MAP4K5: variants seen among roughly 807,000 people sequenced by gnomAD.
MAP4K5 encodes the protein mitogen-activated protein kinase kinase kinase kinase 5.
A neutral mutation model predicts 135.6 loss-of-function variants in MAP4K5; 82 were observed. That is an observed-to-expected ratio of 0.60 (90% CI 0.51 to 0.73). The LOEUF is 0.73. Ranked by LOEUF, MAP4K5 falls within the 30% of genes least tolerant of loss-of-function variation. The pLI is 0.00. For synonymous variants in MAP4K5, 347 were observed against 335.0 expected (o/e 1.04, Z -0.39); for missense variants, 907 against 1,010.9 (o/e 0.90, Z 1.39).
At chr14:50,511,109 A>G (rs938450183) in intron 2 of MAP4K5, among the ~76,000 whole-genome samples, 1 of 152,206 alleles carries the variant, frequency 6.6e-6, no homozygotes, top group East Asian at 1.9e-4. Context: ...CATACAGTGG[A>G]ATGTTTATTG....
chr14:50,489,215 G>A (rs555362370), intron 3 of MAP4K5, among the ~76,000 whole-genome samples: 5 of 152,262 alleles, frequency 3.3e-5, no homozygotes, highest in African/African-American at 1.2e-4. Flanking sequence ...AGGCATGGTG[G>A]CATGCACCTG....
At chr14:50,493,143 A>G (rs1269966701) in intron 3 of MAP4K5, among the ~76,000 whole-genome samples, 1 of 152,118 alleles carries the variant, frequency 6.6e-6, no homozygotes, top group Non-Finnish European at 1.5e-5. Context: ...GCTGTCACCC[A>G]GGCTGGAATG....
upstream of MAP4K5, among the ~76,000 whole-genome samples, chr14:50,537,301 T>C (rs1488978230): frequency 1.3e-5 from 2 of 152,188 alleles, no homozygotes; most frequent in African/African-American, 4.8e-5. Flanking sequence ...AAGTCAAGAA[T>C]TGAGGTTTGG....
chr14:50,560,833 G>T (rs1182140229), intron 1 of MAP4K5, among the ~76,000 whole-genome samples: 1 of 152,198 alleles, frequency 6.6e-6, no homozygotes, highest in African/African-American at 2.4e-5. Context: ...GCCGGGTCCC[G>T]GACGGACGGT....
intron 15 of MAP4K5, among the ~76,000 whole-genome samples, chr14:50,448,140 G>A (rs1447572339): frequency 6.6e-6 from 1 of 152,098 alleles, no homozygotes; most frequent in African/African-American, 2.4e-5. Context: ...TCAGCCTCCT[G>A]AGGAGCTGGG....
At chr14:50,501,324 T>G (rs994391341) in intron 3 of MAP4K5, among the ~76,000 whole-genome samples, 1 of 152,086 alleles carries the variant, frequency 6.6e-6, no homozygotes, top group African/African-American at 2.4e-5. Flanking sequence ...TTTAAGTATA[T>G]TATTCAAGGT....
At chr14:50,465,863 G>A (rs2036820909) in intron 11 of MAP4K5, among the ~76,000 whole-genome samples, 1 of 152,068 alleles carries the variant, frequency 6.6e-6, no homozygotes, top group African/African-American at 2.4e-5. Flanking sequence ...AGATTACGGG[G>A]TCAAGAGAAT....
At chr14:50,465,437 T>C (rs745984039) in intron 11 of MAP4K5, among the ~76,000 whole-genome samples, 21 of 152,320 alleles carry the variant, frequency 1.4e-4, no homozygotes, top group South Asian at 4.1e-4. Context: ...TATTAACCAA[T>C]TGATGACATC....
rs2036044167 is a variant in MAP4K5 at position 50,434,450 on chromosome 14, T to A, written c.2108A>T (p.Gln703Leu). The change falls in exon 28 of 33, where the codon CAG (glutamine) becomes CTG (leucine). Residue 703 changes from glutamine to leucine, a missense_variant. Physicochemically the swap from Gln to Leu is moderately radical, Grantham distance 113. Transcript: ENST00000682126. ...SKGTESNQVV[Q>L]FETINLNSAS... ...AGAGTTCAAATTGATTGTCTCAAAC[T>A]GAACTACCTGATTCGATTCAGTGCC... The A allele has an allele frequency of 6.2e-7, 1 of 1,609,952 alleles. No individual in the cohort carries two copies.
At chr14:50,536,033 C>T (rs149858621), upstream of MAP4K5, among the ~76,000 whole-genome samples, 221 of 152,378 alleles carry the variant, frequency 1.5e-3, 1 homozygote, top group Non-Finnish European at 2.7e-3. Flanking sequence ...TCCTTGCCCT[C>T]TGCCATGATT....
intron 28 of MAP4K5, among the ~76,000 whole-genome samples, chr14:50,431,067 T>G (rs1483153387): frequency 6.6e-6 from 1 of 152,140 alleles, no homozygotes; most frequent in African/African-American, 2.4e-5. Flanking sequence ...AGGCGGTAAC[T>G]TTCACCTAAT....
chr14:50,421,032 C>A (rs985290130), intron 32 of MAP4K5, among the ~76,000 whole-genome samples: 1 of 151,926 alleles, frequency 6.6e-6, no homozygotes, highest in Non-Finnish European at 1.5e-5. Flanking sequence ...ACTTATTTTT[C>A]TAGTGTATGA....
chr14:50,496,561 C>T (rs746189224), intron 3 of MAP4K5, among the ~76,000 whole-genome samples: 21 of 151,748 alleles, frequency 1.4e-4, no homozygotes, highest in East Asian at 3.8e-4. Flanking sequence ...CATGGTGCAA[C>T]GCAGTGATGT....
chr14:50,537,257 G>C (rs964565553), upstream of MAP4K5, among the ~76,000 whole-genome samples: 1 of 152,252 alleles, frequency 6.6e-6, no homozygotes, highest in African/African-American at 2.4e-5. Context: ...AGCCTTGGCA[G>C]CTTCCACGTG....
In MAP4K5 at chr14:50,428,761, A is replaced by C. The variant is rs1312629262; in HGVS notation, c.2234-7T>G. 1 of 1,360,380 alleles carries C rather than the reference A, an allele frequency of 7.4e-7. No individual in the cohort carries two copies. Among genetic ancestry groups the C allele is most frequent in the Admixed American group, 2.9e-5 (1 of 34,968 alleles). 84.3% of individuals were successfully genotyped at this position (1,360,380 alleles called of 1,614,324 possible). A position where few individuals can be genotyped will look rare whatever the true frequency, so the allele number is the denominator to read the frequency against. On this transcript the variant is annotated splice_polypyrimidine_tract_variant and splice_region_variant and intron_variant, in intron 29 of 32. Transcript: ENST00000682126. The stretch of plus-strand genomic sequence containing the variant: ...TTTACAATTTTCACAAATTCTTAAA[A>C]AAAAAAAACAAGTCAAGACTGGACA...
At chr14:50,536,128 C>T (rs1595561899), upstream of MAP4K5, among the ~76,000 whole-genome samples, 1 of 152,188 alleles carries the variant, frequency 6.6e-6, no homozygotes, top group Non-Finnish European at 1.5e-5. Flanking sequence ...TTGTCTTTAT[C>T]AGCAGCATGA....
intron 13 of MAP4K5, among the ~76,000 whole-genome samples, chr14:50,461,177 C>T (rs2036703799): frequency 6.6e-6 from 1 of 152,026 alleles, no homozygotes. Context: ...AGGCGCCTGC[C>T]ATCACATCCA....
chr14:50,486,249 A>C lies in MAP4K5; in HGVS notation c.167-55T>G. The C allele has an allele frequency of 4.7e-6, 3 of 640,782 alleles. No homozygotes were observed. In the East Asian group the frequency reaches 9.3e-5, roughly 20 times the overall value. The allele number at this position is 640,782 out of a possible 1,614,324, so 39.7% of individuals were successfully genotyped here. A position where few individuals can be genotyped will look rare whatever the true frequency, so the allele number is the denominator to read the frequency against. On this transcript the variant is annotated intron_variant, in intron 3 of 32. Coordinates refer to ENST00000682126, the MANE Select transcript of MAP4K5 (RefSeq NM_006575.6). ...TTACTCAAAATCTCTACATATGAAA[A>C]GAAGGAAGGAAAACTTTACAATAAA...
Position 50,448,816 on chromosome 14 carries a change from A to C in MAP4K5, c.1032T>G (p.Phe344Leu). The C allele has an allele frequency of 6.4e-7, 1 of 1,560,224 alleles. No individual in the cohort carries two copies. Reference protein sequence around the residue: ...ASEINFDKLQFEPPLRKETEA... With the variant: ...ASEINFDKLQLEPPLRKETEA... ...CTGTTTCTTTTCTCAGAGGAGGTTC[A>C]AATTGTAATTTGTCAACTGCAAAAT... Residue 344 changes from phenylalanine to leucine, a missense_variant, in exon 15 of 33, where the codon TTT becomes TTG. Physicochemically the swap from Phe to Leu is conservative, Grantham distance 22 (BLOSUM62 0). Coordinates refer to ENST00000682126, the MANE Select transcript of MAP4K5 (RefSeq NM_006575.6).
Sources: gnomAD v4.1 joint callset for allele counts (sites outside exome capture counted in the v4.1 genomes callset) on GRCh38, gnomAD v4.1.1 for gene constraint, MANE v1.5 for transcripts, NCBI Gene and HGNC (gene_info 2026-07-23, HGNC 2026-07-21) for gene names.